BZW2: variants seen among roughly 807,000 people sequenced by gnomAD.
BZW2 encodes basic leucine zipper and W2 domains 2.
In BZW2, 23 loss-of-function variants were observed where a neutral mutation model predicts 53.2. The observed-to-expected ratio is 0.43, with a 90% CI of 0.31 to 0.61. The LOEUF is 0.61. Among genes scored for constraint, BZW2 ranks in the 20% least tolerant of loss-of-function variants. BZW2 has a pLI of 0.09. For missense variants in BZW2, 409 were observed against 503.1 expected (o/e 0.81, Z 1.79); for synonymous variants, 227 against 186.4 (o/e 1.22, Z -1.77).
chr7:16,681,876 C>T (rs10234331), intron 4 of BZW2, among the ~76,000 whole-genome samples: 2,701 of 152,012 alleles, frequency 0.018, 93 homozygotes, highest in African/African-American at 0.06. Context: ...TTTTTTTAAC[C>T]TCTCTTGTGG....
chr7:16,689,739 A>G, intron 6 of BZW2, 58 bp from the exon 7 acceptor site: 2 of 1,437,150 alleles, frequency 1.4e-6, no homozygotes, highest in Admixed American at 2.0e-5. Context: ...TGCTTTGCAC[A>G]CCATCACAAT....
chr7:16,685,876 C>CTTTTTTTTTTTTTTTTT (rs34699573), intron 5 of BZW2, 29 bp from the exon 6 acceptor site: 10 of 1,294,588 alleles, frequency 7.7e-6, no homozygotes, highest in South Asian at 6.9e-5. Context: ...TTTTCTTTTT[C>CTTTTTTTTTTTTTTTTT]TTTTTTTTTT....
chr7:16,657,782 C>G (rs901393314), intron 1 of BZW2, among the ~76,000 whole-genome samples: 8 of 151,846 alleles, frequency 5.3e-5, no homozygotes, highest in African/African-American at 1.9e-4. Context: ...GATCTGGGTG[C>G]AAAATTTTCA....
intron 4 of BZW2, 131 bp downstream of exon 4, chr7:16,681,535 A>C: frequency 1.3e-6 from 1 of 751,064 alleles, no homozygotes; most frequent in Admixed American, 2.9e-5. Context: ...ATGGGCATTA[A>C]AACTACAAAA....
chr7:16,688,332 C>T (rs1328551880), intron 6 of BZW2, among the ~76,000 whole-genome samples: 2 of 152,218 alleles, frequency 1.3e-5, no homozygotes, highest in Non-Finnish European at 2.9e-5. Flanking sequence ...CCTGCTGACA[C>T]AGTTATGGCA....
chr7:16,677,433 G>A (rs931805196), intron 3 of BZW2, among the ~76,000 whole-genome samples: 1 of 152,096 alleles, frequency 6.6e-6, no homozygotes, highest in Non-Finnish European at 1.5e-5. Flanking sequence ...TGCTGTTGGC[G>A]AGGTTGGCCA....
intron 10 of BZW2, among the ~76,000 whole-genome samples, chr7:16,701,410 A>G (rs1335576871): frequency 2.0e-5 from 3 of 152,162 alleles, no homozygotes; most frequent in South Asian, 2.1e-4. Context: ...TCCTGCATGC[A>G]AATTTTTCTA....
intron 3 of BZW2, among the ~76,000 whole-genome samples, chr7:16,680,375 A>G (rs1452566915): frequency 6.6e-6 from 1 of 152,228 alleles, no homozygotes; most frequent in Non-Finnish European, 1.5e-5. Context: ...CTTTGCTTCC[A>G]TGATTAAGAA....
chr7:16,698,829 T>C (rs1426663711), intron 10 of BZW2, among the ~76,000 whole-genome samples: 1 of 152,152 alleles, frequency 6.6e-6, no homozygotes, highest in Admixed American at 6.5e-5. Flanking sequence ...TACATTTATG[T>C]AGTTTTGTGA....
At chr7:16,690,376 A>AT (rs919995638) in intron 7 of BZW2, among the ~76,000 whole-genome samples, 3 of 151,466 alleles carry the variant, frequency 2.0e-5, no homozygotes, top group African/African-American at 4.9e-5. Flanking sequence ...TAATTTTTGG[A>AT]TTTTTTTTAA....
chr7:16,654,083 CAAAAAAAAAAAAA>C (rs61590306), intron 1 of BZW2, among the ~76,000 whole-genome samples: 7 of 82,534 alleles, frequency 8.5e-5, no homozygotes, highest in Admixed American at 1.8e-4. Flanking sequence ...CCCATCTCTA[CAAAAAAAAAAAAA>C]AAAAAAAAAA....
intron 1 of BZW2, among the ~76,000 whole-genome samples, chr7:16,646,709 G>C (rs575341947): frequency 6.6e-5 from 10 of 152,342 alleles, no homozygotes; most frequent in African/African-American, 2.2e-4. Context: ...ACAGACTCGG[G>C]AGAAGGTAGT....
intron 2 of BZW2, among the ~76,000 whole-genome samples, chr7:16,669,952 A>AAAAT (rs1334220924): frequency 2.6e-5 from 4 of 152,222 alleles, no homozygotes; most frequent in Admixed American, 6.5e-5. Context: ...GTCCTCTAAT[A>AAAAT]AAATGCAAAC....
intron 6 of BZW2, among the ~76,000 whole-genome samples, chr7:16,689,176 A>T (rs1164379308): frequency 6.6e-6 from 1 of 152,216 alleles, no homozygotes; most frequent in Non-Finnish European, 1.5e-5. Flanking sequence ...CAGTGAGCCG[A>T]GATCGTGCTA....
At chr7:16,648,839 G>A (rs1427916428) in intron 1 of BZW2, among the ~76,000 whole-genome samples, 1 of 152,080 alleles carries the variant, frequency 6.6e-6, no homozygotes, top group Non-Finnish European at 1.5e-5. Context: ...CAGATCTGAT[G>A]AACTATTCAA....
chr7:16,697,109 C>T, intron 9 of BZW2, 48 bp downstream of exon 9: 1 of 1,580,994 alleles, frequency 6.3e-7, no homozygotes, highest in Non-Finnish European at 8.6e-7. Context: ...CAAACTGCAG[C>T]TTTTTTTGTT....
chr7:16,682,404 T>G (rs1220344260), intron 4 of BZW2, among the ~76,000 whole-genome samples: 1 of 152,206 alleles, frequency 6.6e-6, no homozygotes, highest in Non-Finnish European at 1.5e-5. Context: ...GTAGAATCTG[T>G]CCTGCACTTT....
chr7:16,665,314 A>T, intron 1 of BZW2, 123 bp from the exon 2 acceptor site: 2 of 1,215,514 alleles, frequency 1.6e-6, no homozygotes, highest in Non-Finnish European at 2.4e-6. Flanking sequence ...AATTGAAAAA[A>T]AAAAAGAGGC....
At chr7:16,669,878 A>C (rs1199782177) in intron 2 of BZW2, among the ~76,000 whole-genome samples, 1 of 152,236 alleles carries the variant, frequency 6.6e-6, no homozygotes, top group Admixed American at 6.5e-5. Flanking sequence ...TGAACTGCCA[A>C]ATGGAAATCC....
Sources: gnomAD v4.1 joint callset for allele counts (sites outside exome capture counted in the v4.1 genomes callset) on GRCh38, gnomAD v4.1.1 for gene constraint, MANE v1.5 for transcripts, NCBI Gene and HGNC (gene_info 2026-07-23, HGNC 2026-07-21) for gene names.